CTNNA3: variants seen among roughly 807,000 people sequenced by gnomAD.
CTNNA3 encodes the protein catenin alpha-3.
Under a neutral mutation model 95.7 loss-of-function variants are expected in CTNNA3, and 76 were observed. That is an observed-to-expected ratio of 0.79 (90% CI 0.66 to 0.96). CTNNA3 has a LOEUF of 0.96. CTNNA3 is among the 40% of genes least tolerant of loss of function. The probability of loss-of-function intolerance (pLI) is 0.00; values close to 1 mark genes in which losing one functional copy is unlikely to be tolerated. For missense variants in CTNNA3, 1,191 were observed against 1,089.8 expected, an observed-to-expected ratio of 1.09 and a Z score of -1.31; for synonymous variants, 431 against 374.4, an observed-to-expected ratio of 1.15 and a Z score of -1.74.
chr10:66,873,372 T>C (rs1844487843), intron 7 of CTNNA3, among the ~76,000 whole-genome samples: 1 of 109,380 alleles, frequency 9.1e-6, no homozygotes, highest in African/African-American at 3.3e-5. Flanking sequence ...TGTTTGTTTG[T>C]TTTTTGTTTT....
chr10:66,104,807 T>C (rs1433307436), intron 13 of CTNNA3, among the ~76,000 whole-genome samples: 1 of 152,242 alleles, frequency 6.6e-6, no homozygotes, highest in East Asian at 1.9e-4. Context: ...CTCCTTAGAC[T>C]AGCTCTGGTT....
intron 15 of CTNNA3, among the ~76,000 whole-genome samples, chr10:66,025,182 G>A (rs1480750332): frequency 6.6e-6 from 1 of 152,208 alleles, no homozygotes; most frequent in Non-Finnish European, 1.5e-5. Context: ...ACATACTCCA[G>A]AGTGAACTGG....
chr10:66,689,823 G>T lies in CTNNA3; in HGVS notation c.1282-68039C>A, dbSNP rs1288746581. ...TGCAGTAAGACTACAAGGGAGAGAGGGGGAAAATGAGAAGAAAATAACTCA... is the reference window on the plus strand; with the variant it reads ...TGCAGTAAGACTACAAGGGAGAGAGTGGGAAAATGAGAAGAAAATAACTCA... On this transcript the variant is annotated intron_variant, in intron 9 of 17. Transcript: ENST00000433211. Among the ~76,000 whole-genome samples the T allele has an allele frequency of 2.0e-5, 3 of 152,048 alleles. No individual in the cohort carries two copies. In the East Asian group the frequency reaches 5.8e-4, roughly 29 times the overall value.
At chr10:67,546,309 C>G (rs1349108578) in intron 3 of CTNNA3, among the ~76,000 whole-genome samples, 4 of 151,936 alleles carry the variant, frequency 2.6e-5, no homozygotes, top group Admixed American at 1.3e-4. Context: ...TTTTTTGTAT[C>G]TCTTATAGAG....
intron 1 of CTNNA3, among the ~76,000 whole-genome samples, chr10:67,664,255 T>C (rs931018044): frequency 2.6e-5 from 4 of 152,210 alleles, no homozygotes; most frequent in African/African-American, 7.2e-5. Flanking sequence ...TCCAAAAAAC[T>C]AAGCTTCTTT....
chr10:67,163,821 G>T (rs1224585197), intron 7 of CTNNA3, among the ~76,000 whole-genome samples: 1 of 151,718 alleles, frequency 6.6e-6, no homozygotes, highest in African/African-American at 2.4e-5. Flanking sequence ...TACAAAAATC[G>T]ATTTTACTTG....
chr10:67,541,794 T>A (rs1367277197), intron 3 of CTNNA3, among the ~76,000 whole-genome samples: 2 of 152,106 alleles, frequency 1.3e-5, no homozygotes, highest in Admixed American at 1.3e-4. Context: ...ATTGCTGCTA[T>A]GAGACTGTGA....
intron 9 of CTNNA3, among the ~76,000 whole-genome samples, chr10:66,688,604 A>C (rs2132527313): frequency 6.6e-6 from 1 of 151,980 alleles, no homozygotes; most frequent in South Asian, 2.1e-4. Context: ...TATTTTCTTC[A>C]CCTCAGCAGA....
chr10:66,976,605 C>G (rs994846058), intron 7 of CTNNA3, among the ~76,000 whole-genome samples: 1 of 152,122 alleles, frequency 6.6e-6, no homozygotes, highest in Non-Finnish European at 1.5e-5. Context: ...GGTCATATTC[C>G]CAAGTTTGGC....
At chr10:67,501,760 A>T (rs1254669379) in intron 5 of CTNNA3, among the ~76,000 whole-genome samples, 2 of 152,058 alleles carry the variant, frequency 1.3e-5, no homozygotes, top group South Asian at 4.1e-4. Flanking sequence ...CGATTCAGCT[A>T]TTGATCCTTG....
intron 7 of CTNNA3, among the ~76,000 whole-genome samples, chr10:66,917,598 T>A (rs1846560299): frequency 1.3e-5 from 2 of 152,186 alleles, no homozygotes; most frequent in African/African-American, 4.8e-5. Flanking sequence ...AAAACCAACC[T>A]ATGGCATAGC....
chr10:67,487,838 C>G (rs1304998108), intron 5 of CTNNA3, among the ~76,000 whole-genome samples: 2 of 152,172 alleles, frequency 1.3e-5, no homozygotes, highest in Admixed American at 6.5e-5. Flanking sequence ...CTTGACCTTC[C>G]TCACCCCTAG....
intron 7 of CTNNA3, among the ~76,000 whole-genome samples, chr10:67,072,898 T>A (rs530184396): frequency 2.9e-5 from 1 of 34,942 alleles, no homozygotes; most frequent in Admixed American, 2.1e-4. Context: ...GCCTTTGGCT[T>A]CCTATGCAGC....
intron 10 of CTNNA3, among the ~76,000 whole-genome samples, chr10:66,591,078 G>A (rs886846791): frequency 1.4e-4 from 22 of 152,132 alleles, no homozygotes; most frequent in Non-Finnish European, 2.8e-4. Flanking sequence ...ACTGGTTTCT[G>A]TAGTGTGATT....
chr10:66,385,788 T>G (rs942537025), intron 11 of CTNNA3, among the ~76,000 whole-genome samples: 1 of 152,146 alleles, frequency 6.6e-6, no homozygotes, highest in Non-Finnish European at 1.5e-5. Context: ...CGGTTCAACA[T>G]ATGCAAATCA....
intron 7 of CTNNA3, among the ~76,000 whole-genome samples, chr10:66,946,642 G>A (rs909830379): frequency 6.6e-6 from 1 of 152,066 alleles, no homozygotes; most frequent in Non-Finnish European, 1.5e-5. Context: ...CATAAAGCAT[G>A]TACTTTTGAG....
At chr10:66,580,029 T>C (rs1024477475) in intron 10 of CTNNA3, among the ~76,000 whole-genome samples, 2 of 151,840 alleles carry the variant, frequency 1.3e-5, no homozygotes, top group Non-Finnish European at 2.9e-5. Flanking sequence ...GTTTTTGTTT[T>C]CTTTAAAGTC....
At chr10:67,468,653 G>A (rs774258999) in intron 5 of CTNNA3, among the ~76,000 whole-genome samples, 3 of 152,042 alleles carry the variant, frequency 2.0e-5, no homozygotes, top group Non-Finnish European at 2.9e-5. Flanking sequence ...GTTTTCTGCT[G>A]GTGCTATTAA....
intron 7 of CTNNA3, among the ~76,000 whole-genome samples, chr10:67,168,290 A>G (rs895771182): frequency 1.3e-5 from 2 of 152,196 alleles, no homozygotes; most frequent in African/African-American, 4.8e-5. Context: ...CTACAAGGCC[A>G]GCATCATCTG....
Sources: allele counts gnomAD v4.1 joint callset (sites outside exome capture counted in the v4.1 genomes callset), GRCh38; gene constraint gnomAD v4.1.1; transcripts MANE v1.5; gene names NCBI Gene and HGNC (gene_info 2026-07-23, HGNC 2026-07-21).